TTC3: variants seen among roughly 807,000 people sequenced by gnomAD.
The protein encoded by TTC3 is E3 ubiquitin-protein ligase TTC3.
TTC3 carries 180 observed loss-of-function variants against 249.6 expected under a neutral mutation model. The observed-to-expected ratio is 0.72, with a 90% CI of 0.64 to 0.82. TTC3 has a LOEUF of 0.82. Ranked by LOEUF, TTC3 falls within the 40% of genes least tolerant of loss-of-function variation. The probability of loss-of-function intolerance (pLI) is 0.00; values close to 1 mark genes in which losing one functional copy is unlikely to be tolerated. For synonymous variants in TTC3, 717 were observed against 805.0 expected, an observed-to-expected ratio of 0.89 and a Z score of 1.85; for missense variants, 2,061 against 2,398.4, an observed-to-expected ratio of 0.86 and a Z score of 2.94.
At position 37,138,616 on chromosome 21, in the gene TTC3, A is replaced by T. The variant is rs2078167359; in HGVS notation, c.1579-18A>T. On this transcript the variant is annotated intron_variant, in intron 18 of 45. Coordinates refer to ENST00000355666, the Ensembl canonical transcript of TTC3. ...AGAATTATATTCAGATTTTTAACTG[A>T]GGCATTTTTATTGACAGCAATTGAA... 1 of 1,599,884 alleles carries T rather than the reference A, an allele frequency of 6.3e-7. No individual in the cohort carries two copies. Among genetic ancestry groups the T allele is most frequent in the Non-Finnish European group, 8.6e-7 (1 of 1,168,872 alleles).
intron 35 of TTC3, 52 bp downstream of exon 35, chr21:37,172,796 T>C: frequency 1.2e-6 from 2 of 1,601,106 alleles, no homozygotes; most frequent in Non-Finnish European, 1.7e-6. Flanking sequence ...GTTAGGAGAA[T>C]GTGAGTGTAG....
intron 15 of TTC3, 94 bp downstream of exon 15, chr21:37,126,237 A>T: frequency 9.9e-7 from 1 of 1,012,958 alleles, no homozygotes; most frequent in Non-Finnish European, 1.5e-6. Flanking sequence ...GCTTATATCC[A>T]CTCTTGTTCT....
intron 44 of TTC3, among the ~76,000 whole-genome samples, chr21:37,199,881 T>C (rs2085317746): frequency 6.6e-6 from 1 of 152,212 alleles, no homozygotes; most frequent in African/African-American, 2.4e-5. Context: ...TGGAATTTAC[T>C]ACCCTCAACT....
intron 18 of TTC3, among the ~76,000 whole-genome samples, chr21:37,137,929 T>C (rs1024972715): frequency 9.2e-5 from 14 of 152,072 alleles, no homozygotes; most frequent in African/African-American, 3.4e-4. Flanking sequence ...AAATACCCAG[T>C]GTAGATGACG....
chr21:37,106,711 C>T (rs1160635077), intron 10 of TTC3, among the ~76,000 whole-genome samples: 1 of 152,082 alleles, frequency 6.6e-6, no homozygotes, highest in East Asian at 1.9e-4. Context: ...ATAGTGGGAC[C>T]GTGTCTCTAC....
chr21:37,122,423 TATATATATATATA>T (rs539590249), intron 12 of TTC3, among the ~76,000 whole-genome samples: 18,064 of 59,610 alleles, frequency 0.3, 1,488 homozygotes, highest in Admixed American at 0.37. Flanking sequence ...ATATATAATA[TATATATATATATA>T]TTATATATAT....
At chr21:37,105,141 AT>A (rs2074951845) in intron 10 of TTC3, among the ~76,000 whole-genome samples, 1 of 152,222 alleles carries the variant, frequency 6.6e-6, no homozygotes. Flanking sequence ...TGGAACTTAG[AT>A]TTGGCAACAT....
chr21:37,132,838 C>T, intron 17 of TTC3, 72 bp downstream of exon 17: 1 of 1,167,498 alleles, frequency 8.6e-7, no homozygotes, highest in Non-Finnish European at 1.2e-6. Context: ...GAATAAGGTT[C>T]TAATCATGTA....
intron 36 of TTC3, among the ~76,000 whole-genome samples, chr21:37,183,981 C>T (rs766386304): frequency 3.9e-5 from 6 of 152,144 alleles, no homozygotes; most frequent in Non-Finnish European, 8.8e-5. Context: ...TTTTCCATGC[C>T]GCATGCCATA....
chr21:37,170,824 A>C (rs2081707129), intron 34 of TTC3, among the ~76,000 whole-genome samples: 1 of 152,220 alleles, frequency 6.6e-6, no homozygotes, highest in Non-Finnish European at 1.5e-5. Context: ...AGAGAAATTG[A>C]AAATCATCTA....
At chr21:37,085,102 T>G (rs992453862) in intron 1 of TTC3, among the ~76,000 whole-genome samples, 9 of 152,344 alleles carry the variant, frequency 5.9e-5, no homozygotes, top group East Asian at 3.9e-4. Flanking sequence ...TCGCTAGGCT[T>G]GAATGACCAG....
At chr21:37,095,552 T>G in intron 9 of TTC3, 108 bp downstream of exon 9, 2 of 753,860 alleles carry the variant, frequency 2.7e-6, no homozygotes, top group Non-Finnish European at 4.2e-6. Flanking sequence ...ATCTTCCAAC[T>G]TGTGCAGAAT....
intron 35 of TTC3, 140 bp downstream of exon 35, chr21:37,172,884 G>T (rs2081932578): frequency 8.3e-6 from 9 of 1,078,730 alleles, no homozygotes; most frequent in South Asian, 1.8e-5. Flanking sequence ...GCCTGCTTCA[G>T]ATTTCTTCAT....
chr21:37,105,653 T>C (rs2075006859), intron 10 of TTC3, among the ~76,000 whole-genome samples: 1 of 152,160 alleles, frequency 6.6e-6, no homozygotes, highest in Non-Finnish European at 1.5e-5. Context: ...ATGACCCTCC[T>C]CCTAGTCATG....
At chr21:37,090,659 T>C (rs3787783) in intron 6 of TTC3, 5 of 399,270 alleles carry the variant, frequency 1.3e-5, no homozygotes, top group African/African-American at 1.1e-4. Context: ...TTTTTAATGA[T>C]ACTGATGCCA....
chr21:37,110,034 A>T (rs2075503743), intron 11 of TTC3, among the ~76,000 whole-genome samples: 1 of 84,326 alleles, frequency 1.2e-5, no homozygotes, highest in Admixed American at 1.3e-4. Flanking sequence ...CAGAAAGGAC[A>T]TCCACCACCA....
intron 24 of TTC3, 150 bp downstream of exon 24, chr21:37,150,320 G>T: frequency 1.6e-6 from 1 of 644,834 alleles, no homozygotes; most frequent in Non-Finnish European, 2.8e-6. Context: ...GAAATACTGG[G>T]ATGTGAGAAT....
intron 35 of TTC3, among the ~76,000 whole-genome samples, chr21:37,175,258 T>C (rs928058816): frequency 1.0e-5 from 1 of 99,848 alleles, no homozygotes; most frequent in Non-Finnish European, 1.9e-5. Context: ...AGCGAGACTG[T>C]GTCTCAAAAA....
chr21:37,141,226 G>A (rs1483142336), intron 20 of TTC3, among the ~76,000 whole-genome samples: 1 of 152,032 alleles, frequency 6.6e-6, no homozygotes, highest in Non-Finnish European at 1.5e-5. Flanking sequence ...GTCCCTGAGG[G>A]GACAGGATTA....
Sources: allele counts gnomAD v4.1 joint callset (sites outside exome capture counted in the v4.1 genomes callset), GRCh38; gene constraint gnomAD v4.1.1; transcripts MANE v1.5; gene names NCBI Gene and HGNC (gene_info 2026-07-23, HGNC 2026-07-21).